The following CACNA1C variants were observed in gnomAD, a reference collection of about 807,000 sequenced individuals.
CACNA1C encodes the protein calcium voltage-gated channel subunit alpha1 C, also known as voltage-dependent L-type calcium channel subunit alpha-1C.
Under a neutral mutation model 229.0 loss-of-function variants are expected in CACNA1C, and 30 were observed. That is an observed-to-expected ratio of 0.13 (90% CI 0.10 to 0.18). CACNA1C has a LOEUF of 0.18. Ranked by LOEUF, CACNA1C falls within the 10% of genes least tolerant of loss-of-function variation. CACNA1C has a pLI of 1.00. For missense variants in CACNA1C, 1,658 were observed against 2,845.0 expected (o/e 0.58, Z 9.49); for synonymous variants, 1,114 against 1,132.5 (o/e 0.98, Z 0.33).
chr12:2,318,689 G>A (rs910317286), intron 3 of CACNA1C, among the ~76,000 whole-genome samples: 1 of 152,198 alleles, frequency 6.6e-6, no homozygotes, highest in Non-Finnish European at 1.5e-5. Context: ...GCGCCACACG[G>A]CACCTAGAAT....
chr12:2,270,396 T>G (rs925937455), intron 3 of CACNA1C, among the ~76,000 whole-genome samples: 2 of 152,202 alleles, frequency 1.3e-5, no homozygotes, highest in African/African-American at 4.8e-5. Flanking sequence ...TTGAATCACT[T>G]CAACCCTCCA....
Position 2,468,950 on chromosome 12 carries a change from G to A in CACNA1C, c.757+11244G>A, listed in dbSNP as rs576649676. ...ATGGCAGTTGCCCTCTGAATCATGCGTAATTTTCAGTCAGCTGACTTCTTG... is the reference window on the plus strand; with the variant it reads ...ATGGCAGTTGCCCTCTGAATCATGCATAATTTTCAGTCAGCTGACTTCTTG... On this transcript the variant is annotated intron_variant, in intron 5 of 46. Transcript: ENST00000399655. Among the ~76,000 whole-genome samples, 127 of 152,338 alleles carry A rather than the reference G, an allele frequency of 8.3e-4. 1 individual carries two copies. The highest frequency in any genetic ancestry group is 2.8e-3 in the African/African-American group (117 of 41,554).
intron 10 of CACNA1C, chr12:2,550,773 C>A: frequency 1.2e-6 from 1 of 852,192 alleles, no homozygotes; most frequent in Non-Finnish European, 1.6e-6. Context: ...AGCCCTTTCA[C>A]AACGCTGAGC....
intron 3 of CACNA1C, among the ~76,000 whole-genome samples, chr12:2,277,354 GACAGACAGACACAC>G (rs1177173627): frequency 0.015 from 1,323 of 85,948 alleles, 11 homozygotes; most frequent in Non-Finnish European, 0.02. Flanking sequence ...CAGACAGACA[GACAGACAGACACAC>G]ACACACACAC....
At chr12:2,347,764 G>A (rs1251021350) in intron 3 of CACNA1C, among the ~76,000 whole-genome samples, 1 of 152,190 alleles carries the variant, frequency 6.6e-6, no homozygotes, top group African/African-American at 2.4e-5. Context: ...GCCTGAGCTT[G>A]GACACTAAAC....
intron 1 of CACNA1C, among the ~76,000 whole-genome samples, chr12:2,114,400 G>A (rs2083004840): frequency 6.6e-6 from 1 of 152,188 alleles, no homozygotes; most frequent in Non-Finnish European, 1.5e-5. Flanking sequence ...ACCTATCCTT[G>A]GAAGTCACAC....
chr12:2,235,312 TACC>T (rs924939434), intron 3 of CACNA1C, among the ~76,000 whole-genome samples: 6 of 152,176 alleles, frequency 3.9e-5, no homozygotes, highest in Non-Finnish European at 8.8e-5. Context: ...CATCTGGAGC[TACC>T]AAGTCAGGAA....
intron 9 of CACNA1C, 33 bp from the exon 10 acceptor site, chr12:2,549,910 A>G (rs781199267): frequency 1.9e-5 from 28 of 1,491,976 alleles, no homozygotes; most frequent in Non-Finnish European, 1.8e-6. Context: ...CCCACCCTCA[A>G]TGCCTGGCTC....
intron 34 of CACNA1C, among the ~76,000 whole-genome samples, chr12:2,656,724 A>G (rs2095443287): frequency 6.6e-6 from 1 of 152,230 alleles, no homozygotes; most frequent in Admixed American, 6.5e-5. Flanking sequence ...TACTGGCATA[A>G]AAACGGACAC....
chr12:2,689,613 T>G lies in CACNA1C; in HGVS notation c.6117+834T>G, dbSNP rs995985656. ...TCATCAGACATAGCCAAGCAGAGAC[T>G]GTGCTCATCCGGGCGTCAGGCTGTG... On this transcript the variant is annotated intron_variant, in intron 46 of 46. Coordinates refer to ENST00000399655, the MANE Select transcript of CACNA1C (RefSeq NM_000719.7). The surrounding 1 kb of genome is among the most constrained non-coding windows in gnomAD (Gnocchi z 4.2). 6.6e-6 allele frequency among the ~76,000 whole-genome samples: 1 copy of G among 152,004 alleles called. No homozygotes were observed. The highest frequency in any genetic ancestry group is 2.4e-5 in the African/African-American group (1 of 41,410).
intron 3 of CACNA1C, among the ~76,000 whole-genome samples, chr12:2,336,677 A>G (rs1392571623): frequency 6.6e-6 from 1 of 152,154 alleles, no homozygotes; most frequent in African/African-American, 2.4e-5. Context: ...TTCTCAGCTC[A>G]CACCCAGGGA....
chr12:2,242,777 A>G (rs1002146696), intron 3 of CACNA1C, among the ~76,000 whole-genome samples: 6 of 152,234 alleles, frequency 3.9e-5, no homozygotes, highest in African/African-American at 1.2e-4. Context: ...AATGAGAGCA[A>G]TAATATTTGG....
intron 3 of CACNA1C, among the ~76,000 whole-genome samples, chr12:2,431,992 A>G (rs1307762390): frequency 6.6e-6 from 1 of 152,130 alleles, no homozygotes; most frequent in African/African-American, 2.4e-5. Context: ...GCCGTGAATC[A>G]CTTTTCCCAC....
intron 34 of CACNA1C, among the ~76,000 whole-genome samples, chr12:2,658,120 G>C (rs550457861): frequency 1.2e-4 from 18 of 152,086 alleles, no homozygotes; most frequent in African/African-American, 3.9e-4. Context: ...TGAACTTATC[G>C]AGTTATACTC....
rs564990323 is a variant in CACNA1C at position 2,420,102 on chromosome 12, GGTGTGT to G, written c.478-28833_478-28828del. The stretch of plus-strand genomic sequence containing the variant: ...CAGGGTAATCAGACTTAGGCAAAAT[GGTGTGT>G]GTGTGTGTGTGTGTGTGTGTGTGTG... On this transcript the variant is annotated intron_variant, in intron 3 of 46. Transcript: ENST00000399655. 2.8e-3 allele frequency among the ~76,000 whole-genome samples: 352 copies of G among 125,470 alleles called. 1 individual carries two copies. The highest frequency in any genetic ancestry group is 0.016 in the Middle Eastern group (4 of 258). The allele number at this position is 125,470 out of a possible 152,430, so 82.3% of individuals were successfully genotyped here. A position where few individuals can be genotyped will look rare whatever the true frequency, so the allele number is the denominator to read the frequency against.
intron 3 of CACNA1C, among the ~76,000 whole-genome samples, chr12:2,422,945 G>C (rs1567596042): frequency 2.6e-5 from 4 of 152,180 alleles, no homozygotes; most frequent in Admixed American, 2.0e-4. Flanking sequence ...ATCTGAGTGG[G>C]ATCGTTTCCC....
intron 18 of CACNA1C, 57 bp from the exon 19 acceptor site, chr12:2,593,156 G>C: frequency 6.3e-7 from 1 of 1,580,716 alleles, no homozygotes; most frequent in Non-Finnish European, 8.6e-7. Flanking sequence ...GTCTCTGAAA[G>C]TGGTAAAATA....
intron 1 of CACNA1C, among the ~76,000 whole-genome samples, chr12:2,075,658 A>G (rs2062919905): frequency 6.6e-6 from 1 of 152,230 alleles, no homozygotes; most frequent in Non-Finnish European, 1.5e-5. Context: ...TTGGCAGAAC[A>G]AGCCTGTGGA....
chr12:2,682,110 A>G (rs2097178081), intron 42 of CACNA1C: 1 of 1,021,216 alleles, frequency 9.8e-7, no homozygotes, highest in African/African-American at 1.6e-5. Flanking sequence ...AATCAAGGGC[A>G]CCATCAAAAT....
Sources: gnomAD v4.1 joint callset for allele counts (sites outside exome capture counted in the v4.1 genomes callset) on GRCh38, gnomAD v4.1.1 for gene constraint, Gnocchi (gnomAD v3.1) non-coding constraint, MANE v1.5 for transcripts, NCBI Gene and HGNC (gene_info 2026-07-23, HGNC 2026-07-21) for gene names.